VPS13B: variants seen among roughly 807,000 people sequenced by gnomAD.
The protein encoded by VPS13B is vacuolar protein sorting 13 homolog B, also known as intermembrane lipid transfer protein VPS13B.
A neutral mutation model predicts 426.4 loss-of-function variants in VPS13B; 285 were observed. The ratio of observed to expected loss-of-function variants is 0.67; its 90% CI spans 0.61 to 0.74. The LOEUF (loss-of-function observed/expected upper bound fraction) is 0.74, where lower values mean the gene tolerates loss of function less well. Ranked by LOEUF, VPS13B falls within the 30% of genes least tolerant of loss-of-function variation. The pLI, the probability that VPS13B is intolerant of heterozygous loss-of-function variation, is 0.00. For synonymous variants in VPS13B, 1,676 were observed against 1,676.4 expected, an observed-to-expected ratio of 1.00 and a Z score of 0.01; for missense variants, 4,537 against 4,782.6, an observed-to-expected ratio of 0.95 and a Z score of 1.51.
At chr8:99,527,042 A>G (rs1822687677) in intron 30 of VPS13B, among the ~76,000 whole-genome samples, 1 of 152,194 alleles carries the variant, frequency 6.6e-6, no homozygotes, top group Non-Finnish European at 1.5e-5. Flanking sequence ...TTTAAAAAAT[A>G]TATTTTTAAT....
At chr8:99,437,403 T>TAAA (rs200063201) in intron 22 of VPS13B, among the ~76,000 whole-genome samples, 3 of 148,954 alleles carry the variant, frequency 2.0e-5, no homozygotes, top group Admixed American at 6.6e-5. Context: ...GTCTTTTTTT[T>TAAA]TAAAAAAAAA....
intron 14 of VPS13B, 43 bp downstream of exon 14, chr8:99,148,053 GA>G: frequency 1.3e-6 from 2 of 1,494,368 alleles, no homozygotes; most frequent in Non-Finnish European, 1.8e-6. Context: ...CTCATATATG[GA>G]TTTTTTTTTT....
rs371674854 is a variant in VPS13B at position 99,442,445 on chromosome 8, G to A, written c.3255G>A (p.Leu1085=). The A allele has an allele frequency of 3.1e-5, 50 of 1,613,810 alleles. No individual in the cohort carries two copies. The highest frequency in any genetic ancestry group is 1.6e-4 in the Middle Eastern group (1 of 6,084). The stretch of plus-strand genomic sequence containing the variant: ...GTGTGTTTATTCCAAATGATAGCCT[G>A]CCTTCCCCAAGTACAATTGTATCTG... ...SCCVFIPNDS[L]PSPSTIVSGD... is the part of the protein sequence containing the mutation. The change falls in exon 23 of 62, where the codon CTG becomes CTA. Residue 1085 remains leucine, a synonymous_variant. Coordinates refer to ENST00000357162, the MANE Select transcript of VPS13B (RefSeq NM_152564.5).
At chr8:99,764,949 GA>G (rs1008019464) in intron 39 of VPS13B, among the ~76,000 whole-genome samples, 12 of 151,446 alleles carry the variant, frequency 7.9e-5, no homozygotes, top group African/African-American at 1.9e-4. Flanking sequence ...CTTCCTAGGG[GA>G]AAAAAAAAGT....
Position 99,784,296 on chromosome 8 carries a change from C to T in VPS13B, c.7780-19C>T, listed in dbSNP as rs199981958. 138 of 1,613,398 alleles carry T rather than the reference C, an allele frequency of 8.6e-5. No individual in the cohort carries two copies. The highest frequency in any genetic ancestry group is 1.0e-4 in the Non-Finnish European group (119 of 1,179,590). On this transcript the variant is annotated intron_variant, in intron 42 of 61. Coordinates refer to ENST00000357162, the MANE Select transcript of VPS13B (RefSeq NM_152564.5). ...AATTAATCCGATCCATGTTGGCTTT[C>T]GTATCCTTTTTCTTTCAGAACAAAT...
intron 19 of VPS13B, among the ~76,000 whole-genome samples, chr8:99,304,890 T>A (rs1052071332): frequency 6.6e-6 from 1 of 152,134 alleles, no homozygotes; most frequent in Non-Finnish European, 1.5e-5. Context: ...CCCAATGTTT[T>A]CTGTATAAAG....
intron 17 of VPS13B, among the ~76,000 whole-genome samples, chr8:99,219,006 T>A (rs141755830): frequency 5.3e-4 from 81 of 152,316 alleles, no homozygotes; most frequent in Non-Finnish European, 9.1e-4. Context: ...TTGATTCCAG[T>A]TGACCTCATC....
intron 28 of VPS13B, among the ~76,000 whole-genome samples, chr8:99,509,529 A>G (rs1049232091): frequency 1.3e-5 from 2 of 152,140 alleles, no homozygotes; most frequent in Non-Finnish European, 2.9e-5. Flanking sequence ...TTTTCCTCTC[A>G]CCATGTCAGT....
chr8:99,674,701 A>T (rs1453061255), intron 35 of VPS13B, among the ~76,000 whole-genome samples: 3 of 151,830 alleles, frequency 2.0e-5, no homozygotes, highest in African/African-American at 7.3e-5. Flanking sequence ...CTCTATTGGT[A>T]TATTTTGATT....
intron 39 of VPS13B, among the ~76,000 whole-genome samples, chr8:99,724,300 G>A (rs556661121): frequency 3.9e-5 from 6 of 152,224 alleles, no homozygotes; most frequent in South Asian, 2.1e-4. Context: ...TTCTGTGGTC[G>A]TGTGGGGTAG....
chr8:99,718,760 G>T (rs1210041571), intron 37 of VPS13B, among the ~76,000 whole-genome samples: 1 of 150,272 alleles, frequency 6.7e-6, no homozygotes, highest in Non-Finnish European at 1.5e-5. Context: ...TCAGCCTCCT[G>T]GGCTCAAGAG....
chr8:99,356,639 CCT>C (rs969977913), intron 19 of VPS13B, among the ~76,000 whole-genome samples: 4 of 152,044 alleles, frequency 2.6e-5, no homozygotes, highest in African/African-American at 9.7e-5. Flanking sequence ...AGAGTGACAC[CCT>C]GTCTCAAACA....
chr8:99,396,352 A>T (rs965587228), intron 21 of VPS13B, among the ~76,000 whole-genome samples: 1 of 152,054 alleles, frequency 6.6e-6, no homozygotes, highest in Non-Finnish European at 1.5e-5. Context: ...AGTTAAAAAG[A>T]TATTTATTGA....
intron 5 of VPS13B, among the ~76,000 whole-genome samples, chr8:99,107,333 A>C (rs190966282): frequency 6.6e-6 from 1 of 152,316 alleles, no homozygotes; most frequent in Admixed American, 6.5e-5. Context: ...AGAAAAATGG[A>C]CAAGAGACTT....
chr8:99,612,279 C>G (rs7014820), intron 33 of VPS13B, among the ~76,000 whole-genome samples: 2,182 of 152,224 alleles, frequency 0.014, 51 homozygotes, highest in African/African-American at 0.047. Context: ...ACGTTATGAG[C>G]ATCACAGATC....
intron 31 of VPS13B, among the ~76,000 whole-genome samples, chr8:99,574,521 A>G (rs577957593): frequency 2.0e-5 from 3 of 152,232 alleles, no homozygotes; most frequent in Non-Finnish European, 4.4e-5. Flanking sequence ...GCGTTGTTGA[A>G]TTTTGTCAAA....
At chr8:99,512,711 A>G (rs1821854184) in intron 29 of VPS13B, among the ~76,000 whole-genome samples, 1 of 152,148 alleles carries the variant, frequency 6.6e-6, no homozygotes, top group Non-Finnish European at 1.5e-5. Flanking sequence ...AGGTCATTAC[A>G]TTTAATAAAG....
At chr8:99,763,885 G>A (rs1022542704) in intron 39 of VPS13B, among the ~76,000 whole-genome samples, 12 of 151,966 alleles carry the variant, frequency 7.9e-5, no homozygotes, top group African/African-American at 4.8e-5. Context: ...TTCTCCCCTC[G>A]TCCTTACAGC....
chr8:99,206,438 A>C (rs181696308), intron 17 of VPS13B, among the ~76,000 whole-genome samples: 20 of 152,330 alleles, frequency 1.3e-4, no homozygotes, highest in African/African-American at 4.6e-4. Flanking sequence ...TCAATAATAC[A>C]GTAGCTTTCT....
Sources: gnomAD v4.1 joint callset for allele counts (sites outside exome capture counted in the v4.1 genomes callset) on GRCh38, gnomAD v4.1.1 for gene constraint, MANE v1.5 for transcripts, NCBI Gene and HGNC (gene_info 2026-07-23, HGNC 2026-07-21) for gene names.